EPG5: variants seen among roughly 807,000 people sequenced by gnomAD.
EPG5 encodes ectopic P granules protein 5 homolog.
EPG5 carries 159 observed loss-of-function variants against 302.7 expected under a neutral mutation model. The ratio of observed to expected loss-of-function variants is 0.53; its 90% CI spans 0.46 to 0.60. The LOEUF is 0.60. Among genes scored for constraint, EPG5 ranks in the 20% least tolerant of loss-of-function variants. EPG5 has a pLI of 0.00. For missense variants in EPG5, 2,896 were observed against 3,092.4 expected, an observed-to-expected ratio of 0.94 and a Z score of 1.51; for synonymous variants, 1,158 against 1,136.8, an observed-to-expected ratio of 1.02 and a Z score of -0.37.
At chr18:45,965,879 C>A (rs1000851519) in intron 1 of EPG5, among the ~76,000 whole-genome samples, 11 of 151,436 alleles carry the variant, frequency 7.3e-5, no homozygotes, top group South Asian at 4.2e-4. Context: ...CAAGGAGAAA[C>A]CCCGTCTCTA....
intron 19 of EPG5, 118 bp downstream of exon 19, chr18:45,915,891 G>T: frequency 2.1e-6 from 2 of 960,694 alleles, no homozygotes; most frequent in Non-Finnish European, 3.0e-6. Context: ...TTAAGGCAAA[G>T]CTTAAAGAAG....
rs931927070 is a variant in EPG5, at chr18:45,943,009, C to T, written c.1943+152G>A. The T allele has an allele frequency of 1.2e-5, 8 of 674,938 alleles. No individual in the cohort carries two copies. The Admixed American group carries it at 2.2e-4, about 19-fold the overall frequency. The allele number at this position is 674,938 out of a possible 1,614,324, so 41.8% of individuals were successfully genotyped here. A position where few individuals can be genotyped will look rare whatever the true frequency, so the allele number is the denominator to read the frequency against. The stretch of plus-strand genomic sequence containing the variant: ...CTAACTGGAAGCAATTATGAAATTC[C>T]CATCTTATAGATGGTGAAGAAAAAA... On this transcript the variant is annotated intron_variant, in intron 9 of 43. Coordinates refer to ENST00000282041, the MANE Select transcript of EPG5 (RefSeq NM_020964.3).
At chr18:45,830,037 CCA>C in the EPG5 span, among the ~76,000 whole-genome samples, 1 of 152,184 alleles carries the variant, frequency 6.6e-6, no homozygotes, top group African/African-American at 2.4e-5. Context: ...AGTAAAACAT[CCA>C]CAGAGAGCAA....
At chr18:45,955,521 C>T (rs2051008584) in intron 1 of EPG5, among the ~76,000 whole-genome samples, 183 bp from the exon 2 acceptor site, 1 of 152,088 alleles carries the variant, frequency 6.6e-6, no homozygotes, top group African/African-American at 2.4e-5. Context: ...TTTCATATTT[C>T]GTATTATCCA....
the EPG5 span, among the ~76,000 whole-genome samples, chr18:45,818,803 G>C: frequency 7.4e-6 from 1 of 135,418 alleles, no homozygotes; most frequent in Admixed American, 8.9e-5. Context: ...GCGTGATCTC[G>C]GCTCTCTGCA....
chr18:45,927,593 TACACACACACAC>T (rs67488772), intron 13 of EPG5, among the ~76,000 whole-genome samples: 19 of 133,502 alleles, frequency 1.4e-4, no homozygotes, highest in East Asian at 4.7e-4. Flanking sequence ...CAAAAAGTTA[TACACACACACAC>T]ACACACACAC....
chr18:45,803,620 G>A, the EPG5 span, among the ~76,000 whole-genome samples: 1 of 152,124 alleles, frequency 6.6e-6, no homozygotes, highest in Non-Finnish European at 1.5e-5. Flanking sequence ...AAGGGAGAGA[G>A]CCAGAGAAAG....
At chr18:45,937,241 C>T (rs999805373) in intron 10 of EPG5, among the ~76,000 whole-genome samples, 2,504 of 93,180 alleles carry the variant, frequency 0.027, 25 homozygotes, top group South Asian at 0.067. Context: ...TATATACACA[C>T]ACACACACAC....
intron 7 of EPG5, among the ~76,000 whole-genome samples, chr18:45,945,489 G>A (rs898422267): frequency 6.6e-6 from 1 of 152,050 alleles, no homozygotes; most frequent in South Asian, 2.1e-4. Flanking sequence ...GAATATTTAG[G>A]GAGTGCTAAA....
intron 27 of EPG5, chr18:45,890,226 T>C: frequency 4.2e-6 from 1 of 236,816 alleles, no homozygotes; most frequent in South Asian, 8.6e-5. Flanking sequence ...GCCCCTCCAC[T>C]GCTGATCATG....
chr18:45,843,937 CA>C (rs1457398881), downstream of EPG5: 4 of 152,130 alleles, frequency 2.6e-5, no homozygotes, highest in African/African-American at 9.7e-5. Context: ...GGGTATCTGT[CA>C]GCAAGGAAAT....
chr18:45,806,876 A>C, the EPG5 span, among the ~76,000 whole-genome samples: 11 of 152,308 alleles, frequency 7.2e-5, no homozygotes, highest in African/African-American at 2.6e-4. Flanking sequence ...GTCAGAACTC[A>C]GGGGAGGGCA....
intron 38 of EPG5, among the ~76,000 whole-genome samples, chr18:45,866,340 C>T (rs1357947100): frequency 6.6e-6 from 1 of 152,042 alleles, no homozygotes; most frequent in Non-Finnish European, 1.5e-5. Context: ...AGGCTGGTCT[C>T]GAACTCCTGA....
chr18:45,880,172 G>A lies in EPG5; in HGVS notation c.5570C>T (p.Ala1857Val), dbSNP rs1210711478. ...SPECWKATLR[A>V]LGCCAPSCQQ... ...GCAGCTGGGGGCGCAGCAGCCCAGG[G>A]CTCTCAGAGTGGCCTTCCAACACTC... Residue 1857 changes from alanine to valine, a missense_variant, in exon 32 of 44, where the codon GCC becomes GTC. Physicochemically the swap from Ala to Val is moderately conservative, Grantham distance 64 (BLOSUM62 0). This residue lies in a region of EPG5 where 790 missense variants were observed against 798.0 expected (regional missense o/e 0.99). Coordinates refer to ENST00000282041, the MANE Select transcript of EPG5 (RefSeq NM_020964.3). The A allele has an allele frequency of 2.5e-6, 4 of 1,611,456 alleles. No individual in the cohort carries two copies. The highest frequency in any genetic ancestry group is 1.3e-5 in the African/African-American group (1 of 74,982).
chr18:45,848,724 T>TA lies in EPG5; in HGVS notation c.*3742dup, dbSNP rs1486789715. 1 of 152,266 alleles carries TA rather than the reference T, an allele frequency of 6.6e-6. No individual in the cohort carries two copies. Among genetic ancestry groups the TA allele is most frequent in the Admixed American group, 6.5e-5 (1 of 15,290 alleles). The allele number at this position is 152,266 out of a possible 1,614,324, so 9.4% of individuals were successfully genotyped here. The stretch of plus-strand genomic sequence containing the variant: ...ACACCCCTTTTAGGATAACACGGAC[T>TA]AATTTGGACACTTTCCCCAAACCGT... On this transcript the variant is annotated 3_prime_UTR_variant, in exon 44 of 44. Transcript: ENST00000282041.
chr18:45,955,338 C>A lies in EPG5; in HGVS notation c.64G>T (p.Glu22Ter). ...TGAGGAGTTTCATACTTCTTCTTTTCCTAAAAACAACATACATAATGTGAA... is the reference window on the plus strand; with the variant it reads ...TGAGGAGTTTCATACTTCTTCTTTTACTAAAAACAACATACATAATGTGAA... ...KAKASRTKTKEKKKYETPQRE... is the reference protein window; with the variant it reads ...KAKASRTKTK The change falls in exon 2 of 44, where the codon GAA becomes TAA. Residue 22 changes from glutamate (E) to a stop codon, truncating the protein, a stop_gained and splice_region_variant. Transcript: ENST00000282041. LOFTEE classifies it high-confidence loss of function. The A allele has an allele frequency of 6.6e-7, 1 of 1,525,846 alleles. No individual in the cohort carries two copies. Among genetic ancestry groups the A allele is most frequent in the Non-Finnish European group, 8.8e-7 (1 of 1,135,410 alleles). The allele number at this position is 1,525,846 out of a possible 1,614,324, so 94.5% of individuals were successfully genotyped here.
In EPG5 at chr18:45,867,602, C is replaced by A. The variant is rs537052000; in HGVS notation, c.6372G>T (p.Met2124Ile). ...GTTGAACTTCCTTTGCCAATAAAAT[C>A]ATCATGAAAAGGAGGCAGACAATCA... ...RSMIVCLLFMMILLAKEVQLV... is the reference protein window; with the variant it reads ...RSMIVCLLFMIILLAKEVQLV... Residue 2124 changes from methionine to isoleucine, a missense_variant, in exon 37 of 44, where the codon ATG (methionine) becomes ATT (isoleucine). This residue lies in a region of EPG5 where 620 missense variants were observed against 704.2 expected (regional missense o/e 0.88). Coordinates refer to ENST00000282041, the MANE Select transcript of EPG5 (RefSeq NM_020964.3). 92 of 1,614,042 alleles carry A rather than the reference C, an allele frequency of 5.7e-5. No homozygotes were observed. In the East Asian group the frequency reaches 1.9e-3, roughly 34 times the overall value.
chr18:45,916,035 G>A lies in EPG5; in HGVS notation c.3556C>T (p.Gln1186Ter). The change falls in exon 19 of 44, where the codon CAG becomes TAG. Residue 1186 changes from glutamine to a stop codon, truncating the protein, a stop_gained. Coordinates refer to ENST00000282041, the MANE Select transcript of EPG5 (RefSeq NM_020964.3). LOFTEE classifies it high-confidence loss of function. Reference protein sequence around the residue: ...AFQLMQEDCIQKLLYQQHKNA... With the variant: ...AFQLMQEDCI ...TTATGTTGTTGGTAGAGTAATTTCTGTATGCAGTCTTCCTGCATCAGCTGA... is the reference window on the plus strand; with the variant it reads ...TTATGTTGTTGGTAGAGTAATTTCTATATGCAGTCTTCCTGCATCAGCTGA... 6.2e-7 allele frequency: 1 copy of A among 1,613,230 alleles called. No homozygotes were observed. The highest frequency in any genetic ancestry group is 8.5e-7 in the Non-Finnish European group (1 of 1,179,774).
intron 2 of EPG5, chr18:45,953,666 G>A: frequency 1.0e-6 from 1 of 985,322 alleles, no homozygotes; most frequent in Non-Finnish European, 1.2e-6. Flanking sequence ...AACTTGAGAG[G>A]ACGTCTCCCC....
Sources: gnomAD v4.1 joint callset for allele counts (sites outside exome capture counted in the v4.1 genomes callset) on GRCh38, gnomAD v4.1.1 for gene constraint, gnomAD v4.1.1 regional missense constraint, MANE v1.5 for transcripts, NCBI Gene and HGNC (gene_info 2026-07-23, HGNC 2026-07-21) for gene names.